The following POR variants were observed in gnomAD, a reference collection of about 807,000 sequenced individuals.
POR encodes the protein NADPH--cytochrome P450 reductase.
In POR, 56 loss-of-function variants were observed where a neutral mutation model predicts 84.0. The ratio of observed to expected loss-of-function variants is 0.67; its 90% confidence interval spans 0.54 to 0.83. The LOEUF is 0.83. Ranked by LOEUF, POR falls within the 40% of genes least tolerant of loss-of-function variation. The pLI is 0.00. For missense variants in POR, 938 were observed against 944.3 expected (o/e 0.99, Z 0.09); for synonymous variants, 414 against 400.5 (o/e 1.03, Z -0.40).
intron 1 of POR, chr7:75,922,782 C>T: frequency 2.2e-6 from 1 of 454,648 alleles, no homozygotes; most frequent in South Asian, 2.4e-5. Flanking sequence ...AAGAAAAATC[C>T]CTTTGGCTCC....
intron 1 of POR, among the ~76,000 whole-genome samples, chr7:75,942,563 G>T (rs1554551643): frequency 6.6e-6 from 1 of 151,204 alleles, no homozygotes; most frequent in Non-Finnish European, 1.5e-5. Context: ...CAATTGTACA[G>T]TTAAATGGAT....
rs782742099 is a variant in POR at position 75,983,666 on chromosome 7, C to G, written c.947+30C>G. 3.2e-5 allele frequency: 51 copies of G among 1,608,720 alleles called. No individual in the cohort carries two copies. In the East Asian group the frequency reaches 1.1e-3, roughly 36 times the overall value. ...CAGCTGCCACTGTCACCCCCTGAAC[C>G]CTCACTCTGGGCCTCCTGACCTGGG... On this transcript the variant is annotated intron_variant, in intron 9 of 15. Transcript: ENST00000461988.
intron 1 of POR, among the ~76,000 whole-genome samples, chr7:75,917,462 A>G (rs1806629397): frequency 1.4e-5 from 2 of 147,398 alleles, no homozygotes; most frequent in African/African-American, 5.1e-5. Context: ...GGCCGCCCCT[A>G]CAAGAGCTTC....
chr7:75,955,648 T>C (rs1224932681), intron 2 of POR, among the ~76,000 whole-genome samples: 2 of 152,164 alleles, frequency 1.3e-5, no homozygotes, highest in Non-Finnish European at 2.9e-5. Flanking sequence ...TGGGAGCCAT[T>C]CTCAGACCAG....
chr7:75,967,097 C>A (rs1554555382), intron 2 of POR, among the ~76,000 whole-genome samples: 1 of 152,204 alleles, frequency 6.6e-6, no homozygotes, highest in East Asian at 1.9e-4. Context: ...ACCTCAGCCT[C>A]CCAAGTAGCT....
At chr7:75,949,605 C>T (rs782130442) in intron 1 of POR, among the ~76,000 whole-genome samples, 1 of 151,464 alleles carries the variant, frequency 6.6e-6, no homozygotes, top group African/African-American at 2.4e-5. Context: ...CTGCAACCTC[C>T]GCTTCCTGGG....
At chr7:75,954,755 T>A (rs1202855799) in intron 2 of POR, among the ~76,000 whole-genome samples, 2 of 150,814 alleles carry the variant, frequency 1.3e-5, no homozygotes, top group African/African-American at 4.9e-5. Flanking sequence ...TCAACCAGTC[T>A]GGAGTACAGC....
Position 75,941,547 on chromosome 7 carries a change from T to C in POR, c.-4-12442T>C, listed in dbSNP as rs1807980700. On this transcript the variant is annotated intron_variant, in intron 1 of 15. Coordinates refer to ENST00000461988, the MANE Select transcript of POR (RefSeq NM_000941.3). The stretch of plus-strand genomic sequence containing the variant: ...CCGGTAACTAGGTGCACTTCAGTTA[T>C]CTAGAGTAGGCGCTAATAACTTATT... Among the ~76,000 whole-genome samples, 3 of 152,198 alleles carry C rather than the reference T, an allele frequency of 2.0e-5. No individual in the cohort carries two copies. In the South Asian group the frequency reaches 6.2e-4, roughly 31 times the overall value.
chr7:75,949,820 C>G (rs1787336144), intron 1 of POR, among the ~76,000 whole-genome samples: 1 of 150,740 alleles, frequency 6.6e-6, no homozygotes, highest in African/African-American at 2.4e-5. Flanking sequence ...GTGCCCAGCC[C>G]ATCTCAGGGT....
intron 12 of POR, 109 bp from the exon 13 acceptor site, chr7:75,985,470 G>C (rs1296839289): frequency 5.2e-6 from 7 of 1,343,288 alleles, no homozygotes; most frequent in Non-Finnish European, 6.9e-6. Flanking sequence ...TGCCAGGTGG[G>C]CTGGAAGAGG....
At position 75,985,685 on chromosome 7, in the gene POR, CT is replaced by C. The variant is rs1789399861; in HGVS notation, c.1506del (p.Ala503ProfsTer42). 6.3e-7 allele frequency: 1 copy of C among 1,594,528 alleles called. No individual in the cohort carries two copies. Among genetic ancestry groups the C allele is most frequent in the African/African-American group, 1.3e-5 (1 of 74,652 alleles). ...ACCAACTGGCTGCGGGCCAAGGAGC[CT>C]GCCGGGGAGAACGGCGGCCGTGCGC... On this transcript the variant is annotated frameshift_variant, in exon 13 of 16. Coordinates refer to ENST00000461988, the MANE Select transcript of POR (RefSeq NM_000941.3). LOFTEE classifies it high-confidence loss of function.
intron 8 of POR, 58 bp downstream of exon 8, chr7:75,982,380 G>A (rs999966524): frequency 1.4e-6 from 2 of 1,389,216 alleles, no homozygotes; most frequent in Non-Finnish European, 2.0e-6. Context: ...GTGCACCCCA[G>A]GCTCAGTCTG....
intron 6 of POR, 75 bp downstream of exon 6, chr7:75,981,247 A>G: frequency 6.8e-7 from 1 of 1,462,766 alleles, no homozygotes; most frequent in Non-Finnish European, 9.1e-7. Flanking sequence ...GGGCGCGCAC[A>G]CCATTGTGTC....
chr7:75,983,763 G>A lies in POR; in HGVS notation c.973G>A (p.Val325Met). 6.2e-7 allele frequency: 1 copy of A among 1,612,460 alleles called. No homozygotes were observed. Among genetic ancestry groups the A allele is most frequent in the African/African-American group, 1.3e-5 (1 of 75,046 alleles). Residue 325 changes from valine to methionine, a missense_variant, in exon 10 of 16, where the codon GTG (valine) becomes ATG (methionine). Val to Met is a conservative substitution (Grantham distance 21). Transcript: ENST00000461988. ...GTATGAATCTGGGGACCACGTGGCT[G>A]TGTACCCAGCCAACGACTCTGCTCT...
intron 1 of POR, among the ~76,000 whole-genome samples, chr7:75,937,107 G>A (rs1422311821): frequency 1.3e-5 from 2 of 151,542 alleles, no homozygotes; most frequent in Admixed American, 1.3e-4. Flanking sequence ...GATTACAGGC[G>A]TGAGCCACCG....
At chr7:75,950,212 G>A (rs1250577068) in intron 1 of POR, among the ~76,000 whole-genome samples, 1 of 152,160 alleles carries the variant, frequency 6.6e-6, no homozygotes, top group Non-Finnish European at 1.5e-5. Context: ...CTGCTGTGTG[G>A]GGAATGGCCC....
intron 6 of POR, 99 bp from the exon 7 acceptor site, chr7:75,981,418 G>A: frequency 7.6e-7 from 1 of 1,312,942 alleles, no homozygotes; most frequent in South Asian, 1.3e-5. Flanking sequence ...ACAGTCCTGA[G>A]CTTTGGGGAT....
At chr7:75,976,208 C>A (rs1373418809) in intron 3 of POR, among the ~76,000 whole-genome samples, 2 of 152,110 alleles carry the variant, frequency 1.3e-5, no homozygotes, top group African/African-American at 4.8e-5. Context: ...ATCATGAGCA[C>A]TTTCTCTTCT....
At chr7:75,920,068 T>TC (rs1210911005) in intron 1 of POR, among the ~76,000 whole-genome samples, 1 of 136,490 alleles carries the variant, frequency 7.3e-6, no homozygotes, top group Admixed American at 7.3e-5. Flanking sequence ...TTTTTTTTTT[T>TC]TTTTTTTTTT....
Sources: gnomAD v4.1 joint callset for allele counts (sites outside exome capture counted in the v4.1 genomes callset) on GRCh38, gnomAD v4.1.1 for gene constraint, MANE v1.5 for transcripts, NCBI Gene and HGNC (gene_info 2026-07-23, HGNC 2026-07-21) for gene names.